TRIO: variants seen among roughly 807,000 people sequenced by gnomAD.
TRIO encodes trio Rho guanine nucleotide exchange factor.
TRIO carries 58 observed loss-of-function variants against 351.9 expected under a neutral mutation model. The ratio of observed to expected loss-of-function variants is 0.16; its 90% CI spans 0.13 to 0.21. The LOEUF (loss-of-function observed/expected upper bound fraction) is 0.21. TRIO is among the 10% of genes least tolerant of loss of function. The pLI, the probability that TRIO is intolerant of heterozygous loss-of-function variation, is 1.00. For missense variants in TRIO, 3,201 were observed against 4,027.8 expected (o/e 0.79, Z 5.56); for synonymous variants, 1,758 against 1,595.7 (o/e 1.10, Z -2.42).
chr5:14,379,711 A>G (rs10513174), intron 20 of TRIO, among the ~76,000 whole-genome samples: 62,168 of 152,178 alleles, frequency 0.41, 14,945 homozygotes, highest in East Asian at 0.58. Context: ...ATAGAAAAGC[A>G]AAATTGTACA....
intron 28 of TRIO, among the ~76,000 whole-genome samples, chr5:14,396,443 C>CTTTTTTTTTTTTTTTTTTTTTTTTT (rs1173121592): frequency 2.4e-5 from 1 of 41,554 alleles, no homozygotes; most frequent in Non-Finnish European, 4.5e-5. Context: ...TTCTATTTAT[C>CTTTTTTTTTTTTTTTTTTTTTTTTT]TTTTTTTTTT....
In TRIO at chr5:14,366,863, C is replaced by T. The variant is rs1744643290; in HGVS notation, c.2758C>T (p.Leu920=). ...GTTATCCTGTGTAATGTTTCAGGTG[C>T]TGGGTTGGATCCGCAACGGAGAGTC... ...RHLQAEVKQV[L]GWIRNGESML... Residue 920 remains leucine, a synonymous_variant, in exon 16 of 57, where the codon CTG becomes TTG. Coordinates refer to ENST00000344204, the MANE Select transcript of TRIO (RefSeq NM_007118.4). 3 of 1,614,078 alleles carry T rather than the reference C, an allele frequency of 1.9e-6. No individual in the cohort carries two copies. The highest frequency in any genetic ancestry group is 1.7e-5 in the Admixed American group (1 of 60,008).
intron 1 of TRIO, among the ~76,000 whole-genome samples, chr5:14,233,903 A>G (rs1161276544): frequency 6.6e-6 from 1 of 151,828 alleles, no homozygotes; most frequent in Non-Finnish European, 1.5e-5. Flanking sequence ...TGATTCTTTC[A>G]CCTCAGCCTC....
intron 1 of TRIO, among the ~76,000 whole-genome samples, chr5:14,180,100 CAAA>C (rs70964542): frequency 1.8e-4 from 5 of 27,750 alleles, no homozygotes; most frequent in Admixed American, 5.3e-4. Context: ...GACTCCTGCT[CAAA>C]AAAAAAAAAA....
At chr5:14,464,418 A>G (rs1247720306) in intron 36 of TRIO, among the ~76,000 whole-genome samples, 6 of 152,188 alleles carry the variant, frequency 3.9e-5, no homozygotes, top group Non-Finnish European at 1.5e-5. Flanking sequence ...CATTTACAAA[A>G]ATCTGTAGTG....
intron 1 of TRIO, among the ~76,000 whole-genome samples, chr5:14,259,466 T>A (rs1048452333): frequency 6.6e-6 from 1 of 152,260 alleles, no homozygotes; most frequent in African/African-American, 2.4e-5. Flanking sequence ...CAACCCTCTT[T>A]GTAATTTCTT....
intron 1 of TRIO, among the ~76,000 whole-genome samples, chr5:14,195,971 A>G (rs1790745873): frequency 6.6e-6 from 1 of 152,198 alleles, no homozygotes; most frequent in Admixed American, 6.5e-5. Context: ...ATTTGTATAA[A>G]TTTTAAAAAC....
chr5:14,445,797 A>T (rs1038386958), intron 34 of TRIO, among the ~76,000 whole-genome samples: 1 of 152,244 alleles, frequency 6.6e-6, no homozygotes, highest in Admixed American at 6.5e-5. Context: ...GCAGGCGTGC[A>T]GTTGAGTAAG....
intron 34 of TRIO, among the ~76,000 whole-genome samples, chr5:14,442,103 T>TG (rs1752098152): frequency 6.6e-6 from 1 of 152,150 alleles, no homozygotes; most frequent in African/African-American, 2.4e-5. Flanking sequence ...CTTTGACAGC[T>TG]CTCTGTCCAG....
At chr5:14,502,803 T>G in intron 54 of TRIO, 146 bp downstream of exon 54, 1 of 805,734 alleles carries the variant, frequency 1.2e-6, no homozygotes, top group Non-Finnish European at 2.0e-6. Context: ...TCTCATTGCC[T>G]TTAGACGCTA....
At chr5:14,487,278 C>T (rs913331593) in intron 47 of TRIO, among the ~76,000 whole-genome samples, 186 bp from the exon 48 acceptor site, 3 of 152,138 alleles carry the variant, frequency 2.0e-5, no homozygotes, top group Non-Finnish European at 4.4e-5. Context: ...CCGCTGCACT[C>T]AGCCGGCATC....
intron 1 of TRIO, among the ~76,000 whole-genome samples, chr5:14,269,078 C>T (rs1795848278): frequency 1.3e-5 from 2 of 152,286 alleles, no homozygotes; most frequent in African/African-American, 2.4e-5. Context: ...GGAAAATGGC[C>T]TGGTGCTGTG....
At position 14,508,579 on chromosome 5, in the gene TRIO, C is replaced by A; in HGVS notation, c.*157C>A. ...AGCTGTGCTCAGCAGTGCTTGGACA[C>A]AGAGCTGCAAGCTGCGCTGGGGTGG... On this transcript the variant is annotated 3_prime_UTR_variant, in exon 57 of 57. Transcript: ENST00000344204. The A allele has an allele frequency of 2.1e-6, 2 of 962,964 alleles. No individual in the cohort carries two copies. Among genetic ancestry groups the A allele is most frequent in the Non-Finnish European group, 1.5e-6 (1 of 659,628 alleles). The allele number at this position is 962,964 out of a possible 1,614,324, so 59.7% of individuals were successfully genotyped here.
chr5:14,296,972 T>C (rs936354101), intron 6 of TRIO, 100 bp from the exon 7 acceptor site: 1 of 971,678 alleles, frequency 1.0e-6, no homozygotes, highest in African/African-American at 1.6e-5. Context: ...GTGATCACTG[T>C]TAGAAGCCTG....
chr5:14,368,702 C>T lies in TRIO; in HGVS notation c.2875-6C>T. Reference sequence around the variant, plus strand: ...ATAAGCCTTCCCTTTTGTTCTCTGTCTCTAGAAAACACATCAGAGCGCGCT... The same window carrying T: ...ATAAGCCTTCCCTTTTGTTCTCTGTTTCTAGAAAACACATCAGAGCGCGCT... On this transcript the variant is annotated splice_region_variant and splice_polypyrimidine_tract_variant and intron_variant, in intron 16 of 56. Coordinates refer to ENST00000344204, the MANE Select transcript of TRIO (RefSeq NM_007118.4). 1 of 1,607,700 alleles carries T rather than the reference C, an allele frequency of 6.2e-7. No individual in the cohort carries two copies. Among genetic ancestry groups the T allele is most frequent in the Non-Finnish European group, 8.5e-7 (1 of 1,175,048 alleles).
At chr5:14,424,359 T>C (rs1750459401) in intron 34 of TRIO, among the ~76,000 whole-genome samples, 1 of 152,176 alleles carries the variant, frequency 6.6e-6, no homozygotes, top group African/African-American at 2.4e-5. Context: ...AATTAACCTT[T>C]ACCACTCTAA....
At chr5:14,357,928 G>GC (rs946594905) in intron 11 of TRIO, among the ~76,000 whole-genome samples, 11 of 152,050 alleles carry the variant, frequency 7.2e-5, no homozygotes, top group African/African-American at 2.4e-4. Flanking sequence ...AGTGCTGCCC[G>GC]CCGTTCGCCT....
At chr5:14,199,673 T>C (rs1483390917) in intron 1 of TRIO, among the ~76,000 whole-genome samples, 8 of 151,908 alleles carry the variant, frequency 5.3e-5, no homozygotes, top group South Asian at 4.2e-4. Flanking sequence ...CCCTCTCCTC[T>C]TTCTTTCCCC....
intron 11 of TRIO, 26 bp from the exon 12 acceptor site, chr5:14,358,152 C>T (rs1307396288): frequency 3.7e-6 from 6 of 1,601,654 alleles, no homozygotes; most frequent in Non-Finnish European, 5.1e-6. Context: ...GGCCGGCCGG[C>T]CTCACCCCCC....
Sources: allele counts gnomAD v4.1 joint callset (sites outside exome capture counted in the v4.1 genomes callset), GRCh38; gene constraint gnomAD v4.1.1; transcripts MANE v1.5; gene names NCBI Gene and HGNC (gene_info 2026-07-23, HGNC 2026-07-21).